Variants in TSPAN9 observed in about 807,000 individuals in gnomAD.
TSPAN9 encodes tetraspanin 9.
A neutral mutation model predicts 31.0 loss-of-function variants in TSPAN9; 16 were observed. That is an observed-to-expected ratio of 0.52 (90% CI 0.35 to 0.78). TSPAN9 has a LOEUF of 0.78. Ranked by LOEUF, TSPAN9 falls within the 30% of genes least tolerant of loss-of-function variation. The pLI is 0.01. For missense variants in TSPAN9, 272 were observed against 312.5 expected, an observed-to-expected ratio of 0.87 and a Z score of 0.98; for synonymous variants, 145 against 121.6, an observed-to-expected ratio of 1.19 and a Z score of -1.27.
intron 2 of TSPAN9, among the ~76,000 whole-genome samples, chr12:3,094,866 T>TTTG (rs1555140165): frequency 4.7e-5 from 5 of 106,754 alleles, no homozygotes; most frequent in Non-Finnish European, 1.1e-4. Context: ...TTTTTTTTTT[T>TTTG]TTTGTTTTTA....
intron 3 of TSPAN9, among the ~76,000 whole-genome samples, chr12:3,272,129 G>A (rs1288615438): frequency 6.6e-6 from 1 of 152,160 alleles, no homozygotes; most frequent in Admixed American, 6.5e-5. Context: ...TGTCAGGGGG[G>A]CCAGGTCAGG....
At chr12:3,080,527 G>A (rs1385635469) in intron 1 of TSPAN9, among the ~76,000 whole-genome samples, 5 of 151,950 alleles carry the variant, frequency 3.3e-5, no homozygotes, top group African/African-American at 2.4e-5. Flanking sequence ...TAGTAGAGAC[G>A]GGGTTTCACC....
chr12:3,167,192 C>G (rs1048480549), intron 2 of TSPAN9, among the ~76,000 whole-genome samples: 2 of 152,176 alleles, frequency 1.3e-5, no homozygotes, highest in Non-Finnish European at 2.9e-5. Flanking sequence ...GATTCATCCA[C>G]GTAGCTGCAA....
chr12:3,155,322 C>T (rs960520821), intron 2 of TSPAN9, among the ~76,000 whole-genome samples: 10 of 152,242 alleles, frequency 6.6e-5, no homozygotes, highest in Non-Finnish European at 1.3e-4. Context: ...CAGTTGGCTA[C>T]GCAAGTGAAA....
chr12:3,128,835 A>G (rs1459172812), intron 2 of TSPAN9, among the ~76,000 whole-genome samples: 1 of 152,228 alleles, frequency 6.6e-6, no homozygotes, highest in Non-Finnish European at 1.5e-5. Flanking sequence ...GTACATATAC[A>G]TTATTGTGCA....
intron 2 of TSPAN9, among the ~76,000 whole-genome samples, chr12:3,155,378 G>A (rs150969204): frequency 2.0e-5 from 3 of 152,302 alleles, no homozygotes; most frequent in African/African-American, 2.4e-5. Context: ...ACTGTTGATC[G>A]TGTTCTGAGC....
chr12:3,200,962 T>G, intron 2 of TSPAN9: 1 of 520,396 alleles, frequency 1.9e-6, no homozygotes, highest in South Asian at 2.7e-5. Context: ...TCCATCGGAG[T>G]CCATCTTTGG....
At chr12:3,264,067 G>T (rs1862499902) in intron 3 of TSPAN9, among the ~76,000 whole-genome samples, 1 of 152,174 alleles carries the variant, frequency 6.6e-6, no homozygotes, top group Non-Finnish European at 1.5e-5. Context: ...AGTGATTTAG[G>T]TCACCCAGCA....
intron 3 of TSPAN9, among the ~76,000 whole-genome samples, chr12:3,253,594 G>A (rs1862294190): frequency 1.3e-5 from 2 of 152,356 alleles, no homozygotes; most frequent in South Asian, 2.1e-4. Context: ...CAGTCCCTGC[G>A]ATGATGAAGC....
intron 1 of TSPAN9, among the ~76,000 whole-genome samples, chr12:3,082,203 C>T (rs2098298298): frequency 6.6e-6 from 1 of 152,202 alleles, no homozygotes; most frequent in Non-Finnish European, 1.5e-5. Flanking sequence ...AGCACCATTG[C>T]ATGCAGCAAG....
At chr12:3,238,355 C>T (rs1401895325) in intron 3 of TSPAN9, among the ~76,000 whole-genome samples, 1 of 152,186 alleles carries the variant, frequency 6.6e-6, no homozygotes, top group East Asian at 1.9e-4. Context: ...CTTCTCCTGC[C>T]CCACCCTGGG....
At position 3,165,897 on chromosome 12, in the gene TSPAN9, C is replaced by T. The variant is rs577055380; in HGVS notation, c.-17-35280C>T. Among the ~76,000 whole-genome samples the T allele has an allele frequency of 2.0e-5, 3 of 152,338 alleles. No homozygotes were observed. The South Asian group carries it at 6.2e-4, about 32-fold the overall frequency. Reference sequence around the variant, plus strand: ...GTCTCAGCCATGTTCGAGGCAGCCTCATGCAGGGGACGGGCCTCAAGGAGT... The same window carrying T: ...GTCTCAGCCATGTTCGAGGCAGCCTTATGCAGGGGACGGGCCTCAAGGAGT... On this transcript the variant is annotated intron_variant, in intron 2 of 8. Coordinates refer to ENST00000011898, the MANE Select transcript of TSPAN9 (RefSeq NM_006675.5).
intron 3 of TSPAN9, among the ~76,000 whole-genome samples, chr12:3,217,752 C>T (rs2098382109): frequency 6.6e-6 from 1 of 152,084 alleles, no homozygotes; most frequent in South Asian, 2.1e-4. Flanking sequence ...CTGTCCCTTC[C>T]CTGCTTCCAG....
chr12:3,229,054 G>A (rs529725316), intron 3 of TSPAN9, among the ~76,000 whole-genome samples: 1 of 152,328 alleles, frequency 6.6e-6, no homozygotes, highest in East Asian at 1.9e-4. Flanking sequence ...CTTATTTCAA[G>A]ATCCTTCATA....
intron 2 of TSPAN9, among the ~76,000 whole-genome samples, chr12:3,141,104 C>T (rs1419613631): frequency 2.0e-5 from 3 of 151,932 alleles, no homozygotes; most frequent in Non-Finnish European, 4.4e-5. Flanking sequence ...TTGAGGTCCT[C>T]GCCAAAGGAG....
chr12:3,266,427 G>A (rs965451488), intron 3 of TSPAN9, among the ~76,000 whole-genome samples: 4 of 152,224 alleles, frequency 2.6e-5, no homozygotes, highest in Non-Finnish European at 5.9e-5. Context: ...CACAGCCACA[G>A]AACATGAGGA....
chr12:3,253,040 ACT>A (rs150034030), intron 3 of TSPAN9, among the ~76,000 whole-genome samples: 6,258 of 151,312 alleles, frequency 0.041, 172 homozygotes, highest in Non-Finnish European at 0.062. Context: ...CGCCCTGTTT[ACT>A]CTCTCCCACC....
In TSPAN9 at chr12:3,285,306, T is replaced by C. The variant is rs1862994362; in HGVS notation, c.*2190T>C. On this transcript the variant is annotated 3_prime_UTR_variant, in exon 9 of 9. Transcript: ENST00000011898. ...GGTTGGTTTATGCCTATCAATGCAATTTTTAATTTTTGTTAATATCAACAG... is the reference window on the plus strand; with the variant it reads ...GGTTGGTTTATGCCTATCAATGCAACTTTTAATTTTTGTTAATATCAACAG... 1 of 152,202 alleles carries C rather than the reference T, an allele frequency of 6.6e-6. No homozygotes were observed. Among genetic ancestry groups the C allele is most frequent in the Non-Finnish European group, 1.5e-5 (1 of 68,042 alleles). 9.4% of individuals were successfully genotyped at this position (152,202 alleles called of 1,614,324 possible). A position where few individuals can be genotyped will look rare whatever the true frequency, so the allele number is the denominator to read the frequency against.
intron 2 of TSPAN9, among the ~76,000 whole-genome samples, chr12:3,162,208 G>A (rs113114449): frequency 0.014 from 2,179 of 152,154 alleles, 62 homozygotes; most frequent in African/African-American, 0.05. Flanking sequence ...TGCCTATGCC[G>A]ACTCGCTTCT....
Sources: gnomAD v4.1 joint callset for allele counts (sites outside exome capture counted in the v4.1 genomes callset) on GRCh38, gnomAD v4.1.1 for gene constraint, MANE v1.5 for transcripts, NCBI Gene and HGNC (gene_info 2026-07-23, HGNC 2026-07-21) for gene names.